DNAJC9: variants seen among roughly 807,000 people sequenced by gnomAD.
The protein encoded by DNAJC9 is dnaJ homolog subfamily C member 9.
In DNAJC9, 18 loss-of-function variants were observed where a neutral mutation model predicts 32.4. The observed-to-expected ratio is 0.56, with a 90% CI of 0.38 to 0.82. The LOEUF (loss-of-function observed/expected upper bound fraction) is 0.82, where lower values mean the gene tolerates loss of function less well. DNAJC9 is among the 40% of genes least tolerant of loss of function. The pLI, the probability that DNAJC9 is intolerant of heterozygous loss-of-function variation, is 0.00. For synonymous variants in DNAJC9, 113 were observed against 122.1 expected (o/e 0.93, Z 0.49); for missense variants, 310 against 321.8 (o/e 0.96, Z 0.28).
intron 4 of DNAJC9, 93 bp downstream of exon 4, chr10:73,243,750 T>G: frequency 7.7e-7 from 1 of 1,300,882 alleles, no homozygotes; most frequent in Non-Finnish European, 1.1e-6. Context: ...CGGTTATGTC[T>G]TAAAAGAAGA....
chr10:73,239,413 CT>C (rs1241248269), downstream of DNAJC9: 15 of 1,522,752 alleles, frequency 9.9e-6, no homozygotes, highest in Non-Finnish European at 1.3e-5. Flanking sequence ...CCCTTATTTA[CT>C]ACTGTGTGGT....
intron 1 of DNAJC9, 77 bp downstream of exon 1, chr10:73,246,933 C>A: frequency 6.3e-7 from 1 of 1,576,772 alleles, no homozygotes; most frequent in Non-Finnish European, 8.6e-7. Flanking sequence ...CGCGCTCCCC[C>A]GGGGCGGGGC....
downstream of DNAJC9, chr10:73,241,583 C>T (rs1437092507): frequency 6.5e-6 from 1 of 154,652 alleles, no homozygotes; most frequent in Non-Finnish European, 1.4e-5. Context: ...AAATGTTAAG[C>T]ATTAGTATAA....
rs2043984067 is a variant in DNAJC9 at position 73,244,307 on chromosome 10, G to C, written c.577-378C>G. 3 of 182,994 alleles carry C rather than the reference G, an allele frequency of 1.6e-5. No homozygotes were observed. The South Asian group carries it at 3.4e-4, about 21-fold the overall frequency. 11.3% of individuals were successfully genotyped at this position (182,994 alleles called of 1,614,324 possible). ...ACTCAGGAGTTCAAGACCTGCCTGG[G>C]TAACATAGTGAGACCTCAGTTCTAT... On this transcript the variant is annotated intron_variant, in intron 3 of 4. Transcript: ENST00000372950.
At chr10:73,239,236 T>A, downstream of DNAJC9, 1 of 1,263,272 alleles carries the variant, frequency 7.9e-7, no homozygotes, top group Non-Finnish European at 1.1e-6. Context: ...TTTCAAGGTG[T>A]TCCTGTGAAC....
chr10:73,246,915 G>A (rs1436265134), intron 1 of DNAJC9, 87 bp from the exon 2 acceptor site: 12 of 1,596,468 alleles, frequency 7.5e-6, no homozygotes, highest in East Asian at 4.5e-5. Flanking sequence ...GCGCCAAGCG[G>A]AGCTCAGCGC....
chr10:73,235,059 A>G, downstream of DNAJC9: 1 of 1,460,412 alleles, frequency 6.8e-7, no homozygotes, highest in East Asian at 2.5e-5. Context: ...GTACAAACAC[A>G]GTGCTAATTT....
chr10:73,234,814 C>T (rs1250790206), downstream of DNAJC9: 1 of 1,551,108 alleles, frequency 6.4e-7, no homozygotes, highest in African/African-American at 1.4e-5. Flanking sequence ...GTGGGATCTG[C>T]AGCCCAGTGG....
At chr10:73,235,408 T>C, downstream of DNAJC9, 2 of 1,524,618 alleles carry the variant, frequency 1.3e-6, no homozygotes, top group Non-Finnish European at 1.8e-6. Flanking sequence ...AGATTTTATC[T>C]AGAGGCTTAA....
intron 2 of DNAJC9, chr10:73,232,983 T>C (rs909963701): frequency 6.4e-7 from 1 of 1,552,012 alleles, no homozygotes; most frequent in African/African-American, 1.4e-5. Flanking sequence ...TCCAGTACCA[T>C]CCTTTCAACT....
chr10:73,243,712 C>A, intron 4 of DNAJC9, 131 bp downstream of exon 4: 1 of 1,097,642 alleles, frequency 9.1e-7, no homozygotes, highest in Non-Finnish European at 1.3e-6. Context: ...CCAAATTGTA[C>A]ACTTTAAAAG....
chr10:73,236,588 A>C (rs2043827441), downstream of DNAJC9, among the ~76,000 whole-genome samples: 1 of 150,810 alleles, frequency 6.6e-6, no homozygotes, highest in African/African-American at 2.4e-5. Flanking sequence ...TAATTTTTGT[A>C]ATTTTACTAG....
At chr10:73,239,077 G>T, downstream of DNAJC9, 1 of 422,348 alleles carries the variant, frequency 2.4e-6, no homozygotes, top group Non-Finnish European at 4.3e-6. Context: ...TTTCCTTAAC[G>T]GCATAGTAAT....
intron 3 of DNAJC9, among the ~76,000 whole-genome samples, chr10:73,245,319 A>T (rs2043993635): frequency 6.6e-6 from 1 of 151,918 alleles, no homozygotes; most frequent in South Asian, 2.1e-4. Flanking sequence ...CTAACGCCCG[A>T]TGATCTAAGG....
chr10:73,245,794 G>A (rs16930454), intron 3 of DNAJC9, 128 bp downstream of exon 3: 102,017 of 1,191,380 alleles, frequency 0.086, 6,565 homozygotes, highest in East Asian at 0.29. Flanking sequence ...TTATTAGATC[G>A]AAACTATAGA....
At chr10:73,245,889 C>G in intron 3 of DNAJC9, 33 bp downstream of exon 3, 4 of 1,597,042 alleles carry the variant, frequency 2.5e-6, no homozygotes, top group Non-Finnish European at 3.4e-6. Flanking sequence ...TGGAAGCAGT[C>G]AAAATATAAA....
chr10:73,236,027 A>G (rs1200386797), downstream of DNAJC9, among the ~76,000 whole-genome samples: 3 of 152,186 alleles, frequency 2.0e-5, no homozygotes, highest in Non-Finnish European at 4.4e-5. Flanking sequence ...AGCCTGGGGA[A>G]GTAACCAGGG....
In DNAJC9 at chr10:73,243,373, T is replaced by C. The variant is rs2043974977; in HGVS notation, c.*27A>G. 1 of 1,611,610 alleles carries C rather than the reference T, an allele frequency of 6.2e-7. No individual in the cohort carries two copies. The highest frequency in any genetic ancestry group is 1.7e-5 in the Admixed American group (1 of 60,012). ...GCCTACGATGGCATCAATTTACACCTAAGGACCTTTGAAGAGAAAAATTCC... is the reference window on the plus strand; with the variant it reads ...GCCTACGATGGCATCAATTTACACCCAAGGACCTTTGAAGAGAAAAATTCC... On this transcript the variant is annotated 3_prime_UTR_variant, in exon 5 of 5. Transcript: ENST00000372950.
chr10:73,240,450 T>A (rs7070446), downstream of DNAJC9, among the ~76,000 whole-genome samples: 3 of 152,024 alleles, frequency 2.0e-5, no homozygotes, highest in African/African-American at 7.2e-5. Context: ...TGGTGGCTCA[T>A]GCCTGTAATC....
Sources: gnomAD v4.1 joint callset for allele counts (sites outside exome capture counted in the v4.1 genomes callset) on GRCh38, gnomAD v4.1.1 for gene constraint, MANE v1.5 for transcripts, NCBI Gene and HGNC (gene_info 2026-07-23, HGNC 2026-07-21) for gene names.